The following CARHSP1 variants were observed in gnomAD, a reference collection of about 807,000 sequenced individuals.
CARHSP1 encodes calcium-regulated heat-stable protein 1.
In CARHSP1, 14 loss-of-function variants were observed where a neutral mutation model predicts 12.5. The ratio of observed to expected loss-of-function variants is 1.12; its 90% confidence interval spans 0.74 to 1.75. The LOEUF (loss-of-function observed/expected upper bound fraction) is 1.75. Ranked by LOEUF, CARHSP1 falls within the 40% of genes most tolerant of loss-of-function variation. The pLI, the probability that CARHSP1 is intolerant of heterozygous loss-of-function variation, is 0.00. For missense variants in CARHSP1, 343 were observed against 201.6 expected, an observed-to-expected ratio of 1.70 and a Z score of -4.25; for synonymous variants, 161 against 82.0, an observed-to-expected ratio of 1.96 and a Z score of -5.20.
chr16:8,861,309 A>C (rs565600936), intron 1 of CARHSP1, among the ~76,000 whole-genome samples: 53 of 150,260 alleles, frequency 3.5e-4, no homozygotes, highest in African/African-American at 9.5e-4. Flanking sequence ...ATGAACCACC[A>C]TGCCCGGCCT....
At chr16:8,865,165 G>C (rs976994995) in intron 1 of CARHSP1, among the ~76,000 whole-genome samples, 2 of 152,180 alleles carry the variant, frequency 1.3e-5, no homozygotes, top group African/African-American at 4.8e-5. Context: ...ATGGAGTGCA[G>C]TGGCACAATC....
In CARHSP1 at chr16:8,854,997, C is replaced by A; in HGVS notation, c.*167G>T. ...GCTGTGCTGATGGCCGGGAACACCC[C>A]ACACCCCACACCTGCCCCCCATACC... On this transcript the variant is annotated 3_prime_UTR_variant, in exon 4 of 4. Coordinates refer to ENST00000311052, the MANE Select transcript of CARHSP1 (RefSeq NM_014316.4). 2 of 516,870 alleles carry A rather than the reference C, an allele frequency of 3.9e-6. No individual in the cohort carries two copies. The highest frequency in any genetic ancestry group is 6.6e-6 in the Non-Finnish European group (2 of 301,318). The allele number at this position is 516,870 out of a possible 1,614,324, so 32.0% of individuals were successfully genotyped here.
In CARHSP1 at chr16:8,854,430, A is replaced by T. The variant is rs915595808; in HGVS notation, c.*734T>A. Reference sequence around the variant, plus strand: ...GCTGTTGAGTGATGGTCACACAACCAGAAGGCAGATGAAAAGGTCAGGCTC... The same window carrying T: ...GCTGTTGAGTGATGGTCACACAACCTGAAGGCAGATGAAAAGGTCAGGCTC... On this transcript the variant is annotated 3_prime_UTR_variant, in exon 4 of 4. Coordinates refer to ENST00000311052, the MANE Select transcript of CARHSP1 (RefSeq NM_014316.4). The T allele has an allele frequency of 6.6e-6, 1 of 152,154 alleles. No individual in the cohort carries two copies. The highest frequency in any genetic ancestry group is 2.1e-4 in the South Asian group (1 of 4,718). The allele number at this position is 152,154 out of a possible 1,614,324, so 9.4% of individuals were successfully genotyped here.
chr16:8,863,269 T>A (rs1035873186), intron 1 of CARHSP1, among the ~76,000 whole-genome samples: 2 of 145,824 alleles, frequency 1.4e-5, no homozygotes, highest in East Asian at 4.0e-4. Context: ...TACGGCCACG[T>A]GCCACCACAA....
chr16:8,859,100 G>A lies in CARHSP1; in HGVS notation c.158+71C>T, dbSNP rs1306474712. 3.1e-5 allele frequency: 45 copies of A among 1,432,162 alleles called. No individual in the cohort carries two copies. In the East Asian group the frequency reaches 5.4e-4, roughly 17 times the overall value. The allele number at this position is 1,432,162 out of a possible 1,614,324, so 88.7% of individuals were successfully genotyped here. A position where few individuals can be genotyped will look rare whatever the true frequency, so the allele number is the denominator to read the frequency against. Reference sequence around the variant, plus strand: ...GGACATAGGCCCAAAAATGGCCAGAGACACAGTGAATCTCTGGCCTCAGGC... The same window carrying A: ...GGACATAGGCCCAAAAATGGCCAGAAACACAGTGAATCTCTGGCCTCAGGC... On this transcript the variant is annotated intron_variant, in intron 2 of 3. Transcript: ENST00000311052.
chr16:8,864,224 C>G (rs12595938), intron 1 of CARHSP1, among the ~76,000 whole-genome samples: 1 of 152,104 alleles, frequency 6.6e-6, no homozygotes, highest in African/African-American at 2.4e-5. Context: ...ACATGGCTGT[C>G]TCTGCATCTG....
intron 3 of CARHSP1, among the ~76,000 whole-genome samples, chr16:8,856,601 C>G (rs542233231): frequency 6.8e-6 from 1 of 146,162 alleles, no homozygotes; most frequent in Non-Finnish European, 1.5e-5. Context: ...TCCTGCCTGC[C>G]GATCTGATAG....
rs766458114 is a variant in CARHSP1 at position 8,861,917 on chromosome 16, T to TA, written c.-7-2583dup. 16 of 623,742 alleles carry TA rather than the reference T, an allele frequency of 2.6e-5. No homozygotes were observed. The East Asian group carries it at 9.5e-4, about 37-fold the overall frequency. The allele number at this position is 623,742 out of a possible 1,614,324, so 38.6% of individuals were successfully genotyped here. ...AGCAGTGGCCTCGCAACTCCACAGT[T>TA]AGAGACACTGCCCTGCCTTGTTCTA... On this transcript the variant is annotated intron_variant, in intron 1 of 3. Coordinates refer to ENST00000311052, the MANE Select transcript of CARHSP1 (RefSeq NM_014316.4).
At chr16:8,860,754 T>G (rs1282866959) in intron 1 of CARHSP1, among the ~76,000 whole-genome samples, 1 of 151,952 alleles carries the variant, frequency 6.6e-6, no homozygotes, top group Non-Finnish European at 1.5e-5. Flanking sequence ...TTTTCAAATT[T>G]AGATTTGAAG....
intron 1 of CARHSP1, chr16:8,866,517 T>C (rs1364782628): frequency 1.0e-6 from 1 of 971,976 alleles, no homozygotes; most frequent in African/African-American, 1.8e-5. Context: ...CTGGGAGAAC[T>C]GCCGGCACGT....
intron 1 of CARHSP1, chr16:8,867,890 G>A (rs906981040): frequency 1.3e-5 from 2 of 152,240 alleles, no homozygotes; most frequent in African/African-American, 2.4e-5. Context: ...ACGACAATGG[G>A]ACTTCGGTGG....
Position 8,855,167 on chromosome 16 carries a change from G to A in CARHSP1, c.441C>T (p.Ser147=). Residue 147 remains serine (S), a synonymous_variant, in exon 4 of 4, where the codon TCC becomes TCT. Coordinates refer to ENST00000311052, the MANE Select transcript of CARHSP1 (RefSeq NM_014316.4). ...CAAGGGGTGCTTCCACCATCTCCTA[G>A]GAGCTGATGACATGTCCAGACCAGG... ...HETWSGHVIS[S] The A allele has an allele frequency of 6.3e-7, 1 of 1,592,074 alleles. No homozygotes were observed. Among genetic ancestry groups the A allele is most frequent in the Non-Finnish European group, 8.6e-7 (1 of 1,166,740 alleles).
chr16:8,861,656 G>T (rs1472467910), intron 1 of CARHSP1: 9 of 1,289,096 alleles, frequency 7.0e-6, no homozygotes, highest in Non-Finnish European at 9.1e-6. Flanking sequence ...TGGAGGAGGT[G>T]GCATCCTACC....
chr16:8,865,245 G>T (rs1261545934), intron 1 of CARHSP1, among the ~76,000 whole-genome samples: 2 of 152,098 alleles, frequency 1.3e-5, no homozygotes, highest in Non-Finnish European at 1.5e-5. Context: ...GAGTAGCTGG[G>T]ACTACAGGCA....
At position 8,868,995 on chromosome 16, in the gene CARHSP1, T is replaced by G. The variant is rs1037502566; in HGVS notation, c.-37A>C. On this transcript the variant is annotated 5_prime_UTR_variant, in exon 1 of 4. Transcript: ENST00000311052. ...CAATCCGTTCTGCTCCGCCAGCCGC[T>G]TCGCTCCGACTGAGAGCGCGGAGCT... 6.6e-6 allele frequency: 1 copy of G among 151,738 alleles called. No individual in the cohort carries two copies. Among genetic ancestry groups the G allele is most frequent in the East Asian group, 2.0e-4 (1 of 5,052 alleles). 9.4% of individuals were successfully genotyped at this position (151,738 alleles called of 1,614,324 possible). A position where few individuals can be genotyped will look rare whatever the true frequency, so the allele number is the denominator to read the frequency against.
intron 3 of CARHSP1, 94 bp downstream of exon 3, chr16:8,858,254 ACC>A (rs1463428310): frequency 1.4e-6 from 2 of 1,427,348 alleles, no homozygotes; most frequent in Non-Finnish European, 1.9e-6. Context: ...TCGTCCTCAC[ACC>A]CAGCGCCCAT....
chr16:8,860,998 C>CG (rs1196962653), intron 1 of CARHSP1, among the ~76,000 whole-genome samples: 6 of 148,816 alleles, frequency 4.0e-5, no homozygotes, highest in African/African-American at 1.5e-4. Flanking sequence ...TGCAATGAGC[C>CG]GAGATCACAC....
intron 3 of CARHSP1, chr16:8,857,580 C>G (rs2061180857): frequency 7.7e-6 from 1 of 129,088 alleles, no homozygotes; most frequent in Admixed American, 8.3e-5. Context: ...GTGTGAGCCA[C>G]CATGCCCGAT....
rs2447924 is a variant in CARHSP1, at chr16:8,854,616, A to C, written c.*548T>G. 0.49 allele frequency: 73,533 copies of C among 151,614 alleles called. 18,395 individuals are homozygous for C. The highest frequency in any genetic ancestry group is 0.57 in the Admixed American group (8,605 of 15,204). The allele number at this position is 151,614 out of a possible 1,614,324, so 9.4% of individuals were successfully genotyped here. A position where few individuals can be genotyped will look rare whatever the true frequency, so the allele number is the denominator to read the frequency against. On this transcript the variant is annotated 3_prime_UTR_variant, in exon 4 of 4. Transcript: ENST00000311052. ...AAGACCGCCACCCCCGCCTTTCCCC[A>C]CCCACTTCAAGCCAGCTCCCCTAGA...
Sources: allele counts gnomAD v4.1 joint callset (sites outside exome capture counted in the v4.1 genomes callset), GRCh38; gene constraint gnomAD v4.1.1; transcripts MANE v1.5; gene names NCBI Gene and HGNC (gene_info 2026-07-23, HGNC 2026-07-21).